C5orf34: variants seen among roughly 807,000 people sequenced by gnomAD.
C5orf34 encodes chromosome 5 open reading frame 34.
C5orf34 carries 73 observed loss-of-function variants against 78.4 expected under a neutral mutation model. That is an observed-to-expected ratio of 0.93 (90% CI 0.77 to 1.13). The LOEUF (loss-of-function observed/expected upper bound fraction) is 1.13. Among genes scored for constraint, C5orf34 ranks in the 50% most tolerant of loss-of-function variants. C5orf34 has a pLI of 0.00. For synonymous variants in C5orf34, 251 were observed against 246.6 expected, an observed-to-expected ratio of 1.02 and a Z score of -0.17; for missense variants, 730 against 732.7, an observed-to-expected ratio of 1.00 and a Z score of 0.04.
At position 43,499,523 on chromosome 5, in the gene C5orf34, G is replaced by T. The variant is rs371834684; in HGVS notation, c.1152+2849C>A. Among the ~76,000 whole-genome samples the T allele has an allele frequency of 2.0e-5, 3 of 152,064 alleles. No individual in the cohort carries two copies. In the East Asian group the frequency reaches 5.8e-4, roughly 29 times the overall value. On this transcript the variant is annotated intron_variant, in intron 6 of 12. Transcript: ENST00000306862. Reference sequence around the variant, plus strand: ...ATACATTAAGTTTTTGTTAAAAAAAGTTCAAAAAGTATGAAAATTGAGTCC... The same window carrying T: ...ATACATTAAGTTTTTGTTAAAAAAATTTCAAAAAGTATGAAAATTGAGTCC...
chr5:43,507,268 AT>A (rs1188335132), intron 3 of C5orf34, among the ~76,000 whole-genome samples: 2 of 152,232 alleles, frequency 1.3e-5, no homozygotes, highest in Non-Finnish European at 2.9e-5. Context: ...TACTGAATTA[AT>A]TTTGCCAAGC....
intron 6 of C5orf34, among the ~76,000 whole-genome samples, chr5:43,499,849 C>T (rs1459210935): frequency 2.0e-5 from 3 of 152,156 alleles, no homozygotes; most frequent in Non-Finnish European, 4.4e-5. Context: ...TTGATAATTA[C>T]AACTTATTTC....
chr5:43,498,090 C>T (rs138354903), intron 6 of C5orf34, among the ~76,000 whole-genome samples: 178 of 152,290 alleles, frequency 1.2e-3, no homozygotes, highest in African/African-American at 4.0e-3. Flanking sequence ...GTCTTAATTA[C>T]AACTTCAATT....
chr5:43,513,393 CT>C (rs1390694716), intron 1 of C5orf34, among the ~76,000 whole-genome samples: 6 of 152,186 alleles, frequency 3.9e-5, no homozygotes, highest in Admixed American at 1.3e-4. Flanking sequence ...GTAATACCCC[CT>C]AATTGCACTT....
chr5:43,495,842 G>A, intron 6 of C5orf34: 1 of 1,589,110 alleles, frequency 6.3e-7, no homozygotes, highest in South Asian at 1.1e-5. Flanking sequence ...AGGCATGTTA[G>A]CACTCGGCTC....
intron 1 of C5orf34, among the ~76,000 whole-genome samples, chr5:43,510,730 C>G (rs547520141): frequency 1.3e-5 from 2 of 152,246 alleles, no homozygotes; most frequent in African/African-American, 2.4e-5. Context: ...GACAGAGTCT[C>G]ATTCACTCAG....
At chr5:43,503,899 G>T (rs1004325153) in intron 4 of C5orf34, 139 bp from the exon 5 acceptor site, 7 of 580,636 alleles carry the variant, frequency 1.2e-5, no homozygotes, top group African/African-American at 1.9e-5. Flanking sequence ...TAATATGAAG[G>T]TATATTAATG....
intron 6 of C5orf34, 105 bp from the exon 7 acceptor site, chr5:43,494,706 T>G (rs1054000557): frequency 1.8e-5 from 10 of 560,506 alleles, no homozygotes; most frequent in Non-Finnish European, 2.8e-5. Context: ...ACAAGACGAG[T>G]AGTTATTTTA....
intron 4 of C5orf34, 61 bp downstream of exon 4, chr5:43,505,687 T>C: frequency 1.4e-6 from 2 of 1,440,954 alleles, no homozygotes; most frequent in South Asian, 1.7e-5. Context: ...AAAAGAAAAT[T>C]ATCCAGGTTA....
intron 1 of C5orf34, among the ~76,000 whole-genome samples, chr5:43,509,821 T>C (rs1396128565): frequency 2.0e-5 from 3 of 151,776 alleles, no homozygotes; most frequent in Non-Finnish European, 4.4e-5. Flanking sequence ...AGTGGTGTGA[T>C]CTCGGCTCAC....
Position 43,494,456 on chromosome 5 carries a change from T to G in C5orf34, c.1244+54A>C. The G allele has an allele frequency of 6.2e-6, 7 of 1,132,292 alleles. 1 individual carries two copies. The South Asian group carries it at 1.1e-4, about 18-fold the overall frequency. 70.1% of individuals were successfully genotyped at this position (1,132,292 alleles called of 1,614,324 possible). On this transcript the variant is annotated intron_variant, in intron 7 of 12. Transcript: ENST00000306862. ...TCTTATCCTTAATCACAAGAAAATG[T>G]GCCAAGATGTTTAGACACATAACAT...
intron 11 of C5orf34, 134 bp from the exon 12 acceptor site, chr5:43,488,083 T>C: frequency 1.6e-6 from 1 of 634,062 alleles, no homozygotes; most frequent in Non-Finnish European, 2.7e-6. Flanking sequence ...CTCTTTATGT[T>C]ACCTTTATTT....
At chr5:43,507,330 T>C (rs1268056752) in intron 3 of C5orf34, among the ~76,000 whole-genome samples, 1 of 152,226 alleles carries the variant, frequency 6.6e-6, no homozygotes, top group African/African-American at 2.4e-5. Context: ...ACACAAACTA[T>C]TGTCAAGAAA....
At chr5:43,510,459 CCT>C (rs1484316695) in intron 1 of C5orf34, among the ~76,000 whole-genome samples, 3 of 152,130 alleles carry the variant, frequency 2.0e-5, no homozygotes, top group Non-Finnish European at 4.4e-5. Flanking sequence ...TCTCCCTCTC[CCT>C]CTCTTTCTAC....
intron 11 of C5orf34, 167 bp from the exon 12 acceptor site, chr5:43,488,116 A>G (rs1321231436): frequency 1.3e-5 from 8 of 593,468 alleles, no homozygotes; most frequent in South Asian, 2.1e-5. Context: ...ACTTGACTCA[A>G]CTGATACTTA....
intron 2 of C5orf34, 125 bp from the exon 3 acceptor site, chr5:43,508,791 T>G: frequency 1.4e-6 from 1 of 699,868 alleles, no homozygotes; most frequent in Non-Finnish European, 2.4e-6. Context: ...AACAGTATTT[T>G]GGTATTCAAA....
intron 1 of C5orf34, among the ~76,000 whole-genome samples, chr5:43,512,456 C>T (rs1194261417): frequency 6.6e-6 from 1 of 152,246 alleles, no homozygotes; most frequent in Non-Finnish European, 1.5e-5. Flanking sequence ...TATCTCTTTA[C>T]TGACATTGTT....
chr5:43,488,915 C>A (rs1397499708), intron 11 of C5orf34, among the ~76,000 whole-genome samples: 1 of 152,042 alleles, frequency 6.6e-6, no homozygotes, highest in Non-Finnish European at 1.5e-5. Context: ...TGTGACTTGT[C>A]TGCTTTATTG....
chr5:43,505,002 C>T (rs1488873402), intron 4 of C5orf34, among the ~76,000 whole-genome samples: 3 of 152,286 alleles, frequency 2.0e-5, no homozygotes, highest in Non-Finnish European at 4.4e-5. Context: ...TTTAACATTT[C>T]TATGTCGCAA....
Sources: allele counts gnomAD v4.1 joint callset (sites outside exome capture counted in the v4.1 genomes callset), GRCh38; gene constraint gnomAD v4.1.1; transcripts MANE v1.5; gene names NCBI Gene and HGNC (gene_info 2026-07-23, HGNC 2026-07-21).